Variants in CEP68 observed in about 807,000 individuals in gnomAD.
The protein encoded by CEP68 is centrosomal protein of 68 kDa.
CEP68 carries 26 observed loss-of-function variants against 55.3 expected under a neutral mutation model. That is an observed-to-expected ratio of 0.47 (90% CI 0.34 to 0.65). CEP68 has a LOEUF of 0.65. CEP68 is among the 30% of genes least tolerant of loss of function. The probability of loss-of-function intolerance (pLI) is 0.01; values close to 1 mark genes in which losing one functional copy is unlikely to be tolerated. For missense variants in CEP68, 957 were observed against 946.7 expected (o/e 1.01, Z -0.14); for synonymous variants, 402 against 383.2 (o/e 1.05, Z -0.57).
chr2:65,064,733 CAA>C (rs766499382), intron 1 of CEP68, among the ~76,000 whole-genome samples: 19 of 94,674 alleles, frequency 2.0e-4, no homozygotes, highest in Admixed American at 3.6e-4. Context: ...GACTCCGTCT[CAA>C]AAAAAAAAAA....
intron 3 of CEP68, chr2:65,074,055 C>G (rs1676640729): frequency 4.1e-6 from 2 of 492,918 alleles, no homozygotes; most frequent in African/African-American, 3.9e-5. Flanking sequence ...ACCTGCAAGG[C>G]TGGGTTTTCT....
At chr2:65,062,762 G>A (rs1226177837) in intron 1 of CEP68, among the ~76,000 whole-genome samples, 5 of 152,016 alleles carry the variant, frequency 3.3e-5, no homozygotes, top group East Asian at 1.9e-4. Context: ...CCTTGAACCC[G>A]GGAGGCAGAG....
At chr2:65,081,567 T>C (rs1006846972) in intron 5 of CEP68, among the ~76,000 whole-genome samples, 7 of 152,160 alleles carry the variant, frequency 4.6e-5, no homozygotes, top group African/African-American at 1.7e-4. Flanking sequence ...AAATAAATTT[T>C]TGAAAAAAGA....
chr2:65,081,397 TTCCTTC>T (rs1478744652), intron 5 of CEP68, among the ~76,000 whole-genome samples: 1 of 150,196 alleles, frequency 6.7e-6, no homozygotes, highest in African/African-American at 2.4e-5. Context: ...CCAGCCTGTG[TTCCTTC>T]TCCTTCTACT....
At chr2:65,059,264 T>C (rs777344177) in intron 1 of CEP68, among the ~76,000 whole-genome samples, 2 of 152,218 alleles carry the variant, frequency 1.3e-5, no homozygotes, top group African/African-American at 4.8e-5. Context: ...GGACACTGCG[T>C]CACTTCCAGG....
At chr2:65,083,176 CTT>C (rs1668916607) in intron 6 of CEP68, among the ~76,000 whole-genome samples, 1 of 152,140 alleles carries the variant, frequency 6.6e-6, no homozygotes, top group Non-Finnish European at 1.5e-5. Context: ...TTACTGATAA[CTT>C]TGCACCACCA....
Position 65,069,742 on chromosome 2 carries a change from A to T in CEP68, c.298A>T (p.Ser100Cys). 3 of 1,614,112 alleles carry T rather than the reference A, an allele frequency of 1.9e-6. No individual in the cohort carries two copies. The highest frequency in any genetic ancestry group is 2.5e-6 in the Non-Finnish European group (3 of 1,180,032). ...PVAERSEPALSGLPPATMGSG... is the reference protein window; with the variant it reads ...PVAERSEPALCGLPPATMGSG... ...AGCTGAGAGGTCTGAGCCTGCACTC[A>T]GTGGCCTGCCTCCTGCCACCATGGG... is the stretch of plus-strand genomic sequence containing the variant. Residue 100 changes from serine (S) to cysteine (C), a missense_variant, in exon 2 of 7, where the codon AGT (serine) becomes TGT (cysteine). By Grantham distance (112) the Ser-to-Cys change is moderately radical (BLOSUM62 -1). Transcript: ENST00000377990.
At chr2:65,080,352 G>C (rs1428748345) in intron 5 of CEP68, 2 of 985,100 alleles carry the variant, frequency 2.0e-6, no homozygotes, top group Non-Finnish European at 2.4e-6. Flanking sequence ...GAATGTGGCT[G>C]TTTCCCCCTT....
chr2:65,058,293 C>T (rs1224009723), intron 1 of CEP68, among the ~76,000 whole-genome samples: 2 of 152,020 alleles, frequency 1.3e-5, no homozygotes, highest in Non-Finnish European at 2.9e-5. Flanking sequence ...GTGGCCTCAA[C>T]CTCCTGGGGT....
intron 1 of CEP68, among the ~76,000 whole-genome samples, chr2:65,059,889 C>G (rs999856075): frequency 1.3e-5 from 2 of 152,096 alleles, no homozygotes; most frequent in Non-Finnish European, 2.9e-5. Context: ...AGTGCTAACC[C>G]TAGTATCTAC....
chr2:65,068,924 G>T (rs147733790), intron 1 of CEP68, among the ~76,000 whole-genome samples: 51 of 152,330 alleles, frequency 3.3e-4, no homozygotes, highest in African/African-American at 1.1e-3. Context: ...GCCCAGCTGA[G>T]GCCTGGGCAT....
chr2:65,080,849 CAT>C (rs1676977600), intron 5 of CEP68, among the ~76,000 whole-genome samples: 1 of 151,984 alleles, frequency 6.6e-6, no homozygotes, highest in Admixed American at 6.6e-5. Context: ...AGTTCAAAAA[CAT>C]AAAGTTGTCC....
At chr2:65,074,527 T>C (rs1676667632) in intron 4 of CEP68, 123 bp downstream of exon 4, 7 of 1,362,692 alleles carry the variant, frequency 5.1e-6, no homozygotes, top group Non-Finnish European at 6.3e-6. Context: ...CTATTATACC[T>C]GAAATCTAAT....
At chr2:65,068,704 G>A (rs949040325) in intron 1 of CEP68, among the ~76,000 whole-genome samples, 4 of 152,168 alleles carry the variant, frequency 2.6e-5, no homozygotes, top group Admixed American at 1.3e-4. Flanking sequence ...GCATGTGCCT[G>A]TAGTCCCAGC....
intron 1 of CEP68, among the ~76,000 whole-genome samples, chr2:65,064,640 A>G (rs2103754585): frequency 6.6e-6 from 1 of 151,600 alleles, no homozygotes; most frequent in East Asian, 1.9e-4. Flanking sequence ...AGGCTGAGGC[A>G]GGAGAATGGC....
chr2:65,056,708 C>G (rs1313942089), intron 1 of CEP68, among the ~76,000 whole-genome samples, 180 bp downstream of exon 1: 1 of 151,946 alleles, frequency 6.6e-6, no homozygotes, highest in East Asian at 1.9e-4. Context: ...CACAAAGGCT[C>G]CCTGGGGGGC....
rs1033686988 is a variant in CEP68 at position 65,085,968 on chromosome 2, T to C, written c.*2334T>C. The C allele has an allele frequency of 6.6e-6, 1 of 152,196 alleles. No homozygotes were observed. The highest frequency in any genetic ancestry group is 1.5e-5 in the Non-Finnish European group (1 of 68,046). The allele number at this position is 152,196 out of a possible 1,614,324, so 9.4% of individuals were successfully genotyped here. On this transcript the variant is annotated 3_prime_UTR_variant, in exon 7 of 7. Coordinates refer to ENST00000377990, the MANE Select transcript of CEP68 (RefSeq NM_015147.3). ...TAACTTAGTAGTCCCTTAAAATTAA[T>C]GGAAGTTAAATCCACAGGGAAGTGA...
intron 6 of CEP68, among the ~76,000 whole-genome samples, chr2:65,083,436 C>CTACAACAAAATGTTTGTAGTGCT: frequency 6.6e-6 from 1 of 152,214 alleles, no homozygotes; most frequent in Non-Finnish European, 1.5e-5. Context: ...TACGTCGCTC[C>CTACAACAAAATGTTTGTAGTGCT]TACAACAAAA....
chr2:65,082,595 G>T lies in CEP68; in HGVS notation c.2164G>T (p.Asp722Tyr), dbSNP rs575479626. ...GTCTGGTGAGCTGGAGAGCCACGCA[G>T]ATCGCCTGTATGACTCTATCTTGGC... Reference protein sequence around the residue: ...KQSGELESHADRLYDSILASL... With the variant: ...KQSGELESHAYRLYDSILASL... The change falls in exon 6 of 7, where the codon GAT becomes TAT. Residue 722 changes from aspartate (D) to tyrosine (Y), a missense_variant. Transcript: ENST00000377990. 6.2e-7 allele frequency: 1 copy of T among 1,609,564 alleles called. No individual in the cohort carries two copies. Among genetic ancestry groups the T allele is most frequent in the South Asian group, 1.1e-5 (1 of 90,522 alleles).
Sources: allele counts gnomAD v4.1 joint callset (sites outside exome capture counted in the v4.1 genomes callset), GRCh38; gene constraint gnomAD v4.1.1; transcripts MANE v1.5; gene names NCBI Gene and HGNC (gene_info 2026-07-23, HGNC 2026-07-21).